ATP6V1C1: variants seen among roughly 807,000 people sequenced by gnomAD.
ATP6V1C1 encodes ATPase H+ transporting V1 subunit C1, also known as V-type proton ATPase subunit C 1.
In ATP6V1C1, 45 loss-of-function variants were observed where a neutral mutation model predicts 53.9. The observed-to-expected ratio is 0.83, with a 90% CI of 0.66 to 1.07. The LOEUF (loss-of-function observed/expected upper bound fraction) is 1.07, where lower values mean the gene tolerates loss of function less well. ATP6V1C1 is among the 50% of genes least tolerant of loss of function. The probability of loss-of-function intolerance (pLI) is 0.00; values close to 1 mark genes in which losing one functional copy is unlikely to be tolerated. For synonymous variants in ATP6V1C1, 153 were observed against 155.2 expected, an observed-to-expected ratio of 0.99 and a Z score of 0.11; for missense variants, 315 against 440.3, an observed-to-expected ratio of 0.72 and a Z score of 2.55.
intron 3 of ATP6V1C1, among the ~76,000 whole-genome samples, chr8:103,047,034 A>G (rs1235778027): frequency 1.3e-5 from 2 of 152,184 alleles, no homozygotes; most frequent in African/African-American, 4.8e-5. Flanking sequence ...GCCAAATTTT[A>G]TGAGAATGAT....
chr8:103,064,604 G>A (rs1054410131), intron 10 of ATP6V1C1, 110 bp from the exon 11 acceptor site: 5 of 760,178 alleles, frequency 6.6e-6, no homozygotes, highest in South Asian at 4.0e-5. Context: ...TGAATTATGC[G>A]ACTTAATTCT....
At position 103,049,771 on chromosome 8, in the gene ATP6V1C1, T is replaced by TA. The variant is rs541348204; in HGVS notation, c.286+822dup. The stretch of plus-strand genomic sequence containing the variant: ...GGACAACACAGGGAGACCCTGTCTC[T>TA]AAAAAACCCAAACAAAAATAAAGAA... On this transcript the variant is annotated intron_variant, in intron 4 of 12. Transcript: ENST00000518738. Among the ~76,000 whole-genome samples the TA allele has an allele frequency of 2.6e-4, 39 of 152,072 alleles. 1 individual carries two copies. In the East Asian group the frequency reaches 7.2e-3, roughly 28 times the overall value.
intron 6 of ATP6V1C1, 99 bp from the exon 7 acceptor site, chr8:103,053,785 G>T: frequency 1.2e-6 from 1 of 831,996 alleles, no homozygotes. Context: ...CCCTCTCAAT[G>T]TATATATAGT....
intron 1 of ATP6V1C1, among the ~76,000 whole-genome samples, chr8:103,023,530 CAGTCCTGA>C (rs2131378474): frequency 6.6e-6 from 1 of 152,198 alleles, no homozygotes; most frequent in African/African-American, 2.4e-5. Context: ...ACCCTCGAGG[CAGTCCTGA>C]AGTACATAGC....
intron 1 of ATP6V1C1, among the ~76,000 whole-genome samples, chr8:103,025,033 T>G (rs1005384816): frequency 1.3e-5 from 2 of 152,030 alleles, no homozygotes; most frequent in Non-Finnish European, 2.9e-5. Context: ...ACTGTATATC[T>G]AAAATGTGGG....
chr8:103,042,348 G>C lies in ATP6V1C1; in HGVS notation c.141G>C (p.Thr47=). 3 of 1,613,560 alleles carry C rather than the reference G, an allele frequency of 1.9e-6. No homozygotes were observed. The highest frequency in any genetic ancestry group is 2.5e-6 in the Non-Finnish European group (3 of 1,179,872). The change falls in exon 3 of 13, where the codon ACG becomes ACC. Residue 47 remains threonine (T), a synonymous_variant. Coordinates refer to ENST00000518738, the MANE Select transcript of ATP6V1C1 (RefSeq NM_001695.5). ...ATATATTTTCCTTTTAGGTTGGCAC[G>C]TTGGATGTCTTGGTTGGCTTGTCAG... The part of the protein sequence containing the change: ...KFNIPDLKVG[T]LDVLVGLSDE...
At chr8:103,026,343 T>C (rs751398963) in intron 1 of ATP6V1C1, among the ~76,000 whole-genome samples, 20 of 152,180 alleles carry the variant, frequency 1.3e-4, no homozygotes, top group Non-Finnish European at 2.8e-4. Flanking sequence ...TCTAGGCAAA[T>C]GTGGAATAAA....
At chr8:103,048,724 G>A (rs540760501) in intron 3 of ATP6V1C1, 146 bp from the exon 4 acceptor site, 1 of 602,956 alleles carries the variant, frequency 1.7e-6, no homozygotes, top group South Asian at 2.5e-5. Context: ...AACATTATAA[G>A]GTAAGATCCA....
At chr8:103,054,988 T>A (rs7012211) in intron 7 of ATP6V1C1, among the ~76,000 whole-genome samples, 6 of 152,050 alleles carry the variant, frequency 3.9e-5, no homozygotes, top group Admixed American at 2.0e-4. Flanking sequence ...CTAGAAAAAA[T>A]TTTGGATTTT....
intron 1 of ATP6V1C1, among the ~76,000 whole-genome samples, chr8:103,033,703 A>C (rs1397450190): frequency 6.6e-6 from 1 of 152,226 alleles, no homozygotes; most frequent in Non-Finnish European, 1.5e-5. Context: ...CACATACTAC[A>C]TAATATACCT....
chr8:103,023,364 G>A (rs1007116903), intron 1 of ATP6V1C1, among the ~76,000 whole-genome samples: 1 of 149,690 alleles, frequency 6.7e-6, no homozygotes, highest in Non-Finnish European at 1.5e-5. Context: ...GGGGAACATT[G>A]TTGTAATCCA....
chr8:103,051,345 G>C (rs925816467), intron 5 of ATP6V1C1, among the ~76,000 whole-genome samples: 1 of 151,626 alleles, frequency 6.6e-6, no homozygotes, highest in African/African-American at 2.4e-5. Flanking sequence ...TGAATACTTA[G>C]TTATGTAATT....
At chr8:103,039,627 T>C (rs1816958914) in intron 1 of ATP6V1C1, among the ~76,000 whole-genome samples, 1 of 152,180 alleles carries the variant, frequency 6.6e-6, no homozygotes, top group Non-Finnish European at 1.5e-5. Flanking sequence ...GAAATAATGA[T>C]ACCATAATAC....
At position 103,054,247 on chromosome 8, in the gene ATP6V1C1, C is replaced by G. The variant is rs1435301971; in HGVS notation, c.572+265C>G. ...TTGGCTCATTCAAACATAAGTAATG[C>G]TAAATTATTGATTGTTTAAAAAATA... On this transcript the variant is annotated intron_variant, in intron 7 of 12. Transcript: ENST00000518738. 2.6e-5 allele frequency among the ~76,000 whole-genome samples: 4 copies of G among 151,746 alleles called. No homozygotes were observed. The East Asian group carries it at 7.7e-4, about 29-fold the overall frequency.
At chr8:103,037,629 T>G in intron 1 of ATP6V1C1, among the ~76,000 whole-genome samples, 1 of 152,322 alleles carries the variant, frequency 6.6e-6, no homozygotes, top group East Asian at 1.9e-4. Flanking sequence ...CACTAAAATT[T>G]TATTTTTAAT....
chr8:103,044,496 C>T (rs1237530032), intron 3 of ATP6V1C1, among the ~76,000 whole-genome samples: 1 of 152,048 alleles, frequency 6.6e-6, no homozygotes, highest in East Asian at 1.9e-4. Context: ...TGTTTTTTCC[C>T]CTTTGAATTG....
At chr8:103,039,336 G>A (rs1816953274) in intron 1 of ATP6V1C1, among the ~76,000 whole-genome samples, 1 of 152,154 alleles carries the variant, frequency 6.6e-6, no homozygotes, top group African/African-American at 2.4e-5. Flanking sequence ...TGAGAAGGTA[G>A]CATTGATTAC....
chr8:103,061,812 G>A (rs1388558961), intron 8 of ATP6V1C1, among the ~76,000 whole-genome samples: 6 of 152,168 alleles, frequency 3.9e-5, no homozygotes, highest in Non-Finnish European at 8.8e-5. Flanking sequence ...CCTGCCCCAA[G>A]GTTATCGCTG....
At position 103,039,697 on chromosome 8, in the gene ATP6V1C1, C is replaced by G. The variant is rs541427549; in HGVS notation, c.-39-1101C>G. Among the ~76,000 whole-genome samples, 15 of 152,144 alleles carry G rather than the reference C, an allele frequency of 9.9e-5. No homozygotes were observed. In the South Asian group the frequency reaches 3.1e-3, roughly 32 times the overall value. On this transcript the variant is annotated intron_variant, in intron 1 of 12. Transcript: ENST00000518738. ...CTACCTAGATTCTGAATAGATTTGT[C>G]TCTGTACTTTTTTCCCCCTTCTGTG...
Sources: gnomAD v4.1 joint callset for allele counts (sites outside exome capture counted in the v4.1 genomes callset) on GRCh38, gnomAD v4.1.1 for gene constraint, MANE v1.5 for transcripts, NCBI Gene and HGNC (gene_info 2026-07-23, HGNC 2026-07-21) for gene names.